KLHL29: variants seen among roughly 807,000 people sequenced by gnomAD.
The protein encoded by KLHL29 is kelch-like protein 29.
KLHL29 carries 21 observed loss-of-function variants against 80.4 expected under a neutral mutation model. That is an observed-to-expected ratio of 0.26 (90% CI 0.19 to 0.38). The LOEUF (loss-of-function observed/expected upper bound fraction) is 0.38. Among genes scored for constraint, KLHL29 ranks in the 10% least tolerant of loss-of-function variants. The pLI is 1.00. For synonymous variants in KLHL29, 511 were observed against 526.8 expected, an observed-to-expected ratio of 0.97 and a Z score of 0.41; for missense variants, 867 against 1,223.9, an observed-to-expected ratio of 0.71 and a Z score of 4.35.
chr2:23,448,749 C>A (rs1297904415), intron 1 of KLHL29, among the ~76,000 whole-genome samples: 1 of 152,236 alleles, frequency 6.6e-6, no homozygotes, highest in Admixed American at 6.5e-5. Context: ...CACCTGCAAT[C>A]TGCTTTTCAG....
chr2:23,402,041 A>G (rs1666609689), intron 1 of KLHL29, among the ~76,000 whole-genome samples: 2 of 152,142 alleles, frequency 1.3e-5, no homozygotes, highest in Non-Finnish European at 2.9e-5. Flanking sequence ...TGCACTTTCA[A>G]CAGTCGAGGG....
chr2:23,465,574 G>GC (rs1353564044), intron 1 of KLHL29, among the ~76,000 whole-genome samples: 1 of 152,166 alleles, frequency 6.6e-6, no homozygotes, highest in Non-Finnish European at 1.5e-5. Context: ...GCTGGCCCCA[G>GC]CAGTGACCCC....
At chr2:23,552,453 G>T (rs1667154116) in intron 2 of KLHL29, among the ~76,000 whole-genome samples, 1 of 152,190 alleles carries the variant, frequency 6.6e-6, no homozygotes, top group South Asian at 2.1e-4. Flanking sequence ...GTGAGGACTT[G>T]CTGCTGCTGT....
intron 2 of KLHL29, among the ~76,000 whole-genome samples, chr2:23,480,951 C>T (rs1242784387): frequency 1.3e-5 from 2 of 152,176 alleles, no homozygotes; most frequent in Non-Finnish European, 2.9e-5. Context: ...CTGATTCCAC[C>T]ACAGACATAT....
intron 2 of KLHL29, among the ~76,000 whole-genome samples, chr2:23,550,557 G>A (rs1667098601): frequency 2.0e-5 from 3 of 152,166 alleles, no homozygotes; most frequent in African/African-American, 4.8e-5. Context: ...CTAGTTACTC[G>A]GTGAAATAAA....
chr2:23,430,445 T>C (rs1169544027), intron 1 of KLHL29, among the ~76,000 whole-genome samples: 3 of 152,320 alleles, frequency 2.0e-5, no homozygotes, highest in Middle Eastern at 3.4e-3. Flanking sequence ...CTAAAAGGAA[T>C]CTATTGCTTG....
intron 1 of KLHL29, among the ~76,000 whole-genome samples, chr2:23,397,507 C>T (rs1168740031): frequency 6.6e-6 from 1 of 152,234 alleles, no homozygotes; most frequent in Non-Finnish European, 1.5e-5. Context: ...GTATACCTTC[C>T]CGAATGCCTG....
intron 3 of KLHL29, among the ~76,000 whole-genome samples, chr2:23,594,681 G>T (rs535329125): frequency 6.6e-6 from 1 of 152,214 alleles, no homozygotes; most frequent in Non-Finnish European, 1.5e-5. Context: ...AGCATTAGAT[G>T]GAATTAAAGT....
chr2:23,489,482 GAGCTTGTCCCC>G (rs1268263591), intron 2 of KLHL29, among the ~76,000 whole-genome samples: 1 of 152,132 alleles, frequency 6.6e-6, no homozygotes, highest in Non-Finnish European at 1.5e-5. Context: ...AAATGGAGAA[GAGCTTGTCCCC>G]AGCTGCCTCC....
intron 1 of KLHL29, among the ~76,000 whole-genome samples, chr2:23,418,376 A>G (rs1662665706): frequency 6.6e-6 from 1 of 152,058 alleles, no homozygotes; most frequent in Non-Finnish European, 1.5e-5. Flanking sequence ...GTCTGGGGGC[A>G]GATCCTTCCT....
chr2:23,642,445 C>G lies in KLHL29; in HGVS notation c.535C>G (p.Gln179Glu). The G allele has an allele frequency of 1.3e-6, 2 of 1,504,114 alleles. No individual in the cohort carries two copies. Among genetic ancestry groups the G allele is most frequent in the Non-Finnish European group, 8.9e-7 (1 of 1,120,834 alleles). The allele number at this position is 1,504,114 out of a possible 1,614,324, so 93.2% of individuals were successfully genotyped here. Reference protein sequence around the residue: ...PPTFSPAVNVQAPVIGVTPSL... With the variant: ...PPTFSPAVNVEAPVIGVTPSL... Reference sequence around the variant, plus strand: ...CACCTTCAGCCCGGCTGTGAACGTCCAGGCCCCGGTCATTGGGGTGACCCC... The same window carrying G: ...CACCTTCAGCCCGGCTGTGAACGTCGAGGCCCCGGTCATTGGGGTGACCCC... The change falls in exon 5 of 14, where the codon CAG becomes GAG. Residue 179 changes from glutamine to glutamate, a missense_variant. Transcript: ENST00000486442.
At chr2:23,392,518 A>G (rs921190049) in intron 1 of KLHL29, among the ~76,000 whole-genome samples, 22 of 152,242 alleles carry the variant, frequency 1.4e-4, no homozygotes, top group African/African-American at 5.3e-4. Context: ...TAATAATAAT[A>G]GCTTCCAGTT....
Position 23,689,859 on chromosome 2 carries a change from G to A in KLHL29, c.1080-1815G>A, listed in dbSNP as rs374925016. The A allele has an allele frequency of 4.2e-4, 64 of 152,286 alleles. 1 individual carries two copies. Among genetic ancestry groups the A allele is most frequent in the African/African-American group, 1.2e-3 (49 of 41,470 alleles). The allele number at this position is 152,286 out of a possible 1,614,324, so 9.4% of individuals were successfully genotyped here. On this transcript the variant is annotated intron_variant, in intron 6 of 13. Transcript: ENST00000486442. The stretch of plus-strand genomic sequence containing the variant: ...TATTTTTACGCTTAACAAAGCCACC[G>A]AGGTATGGAAATCCATCCTGACAGC...
At chr2:23,550,641 C>T (rs565882780) in intron 2 of KLHL29, among the ~76,000 whole-genome samples, 14 of 152,318 alleles carry the variant, frequency 9.2e-5, no homozygotes, top group South Asian at 2.1e-4. Flanking sequence ...ATGTGACAGC[C>T]GTTCCCTAAT....
chr2:23,537,721 C>T lies in KLHL29; in HGVS notation c.-45-24431C>T, dbSNP rs1666715939. 3.3e-5 allele frequency among the ~76,000 whole-genome samples: 5 copies of T among 152,130 alleles called. No homozygotes were observed. In the South Asian group the frequency reaches 1.0e-3, roughly 32 times the overall value. On this transcript the variant is annotated intron_variant, in intron 2 of 13. Transcript: ENST00000486442. ...ATGTGGGGCATCTGGAGCTTGGCCACCTGCAAGAAGCTGCATGTCGGGTGG... is the reference window on the plus strand; with the variant it reads ...ATGTGGGGCATCTGGAGCTTGGCCATCTGCAAGAAGCTGCATGTCGGGTGG...
chr2:23,451,262 T>C (rs1663871782), intron 1 of KLHL29, among the ~76,000 whole-genome samples: 1 of 152,200 alleles, frequency 6.6e-6, no homozygotes, highest in South Asian at 2.1e-4. Flanking sequence ...TAGAACTCCC[T>C]GGGTAAATCC....
At chr2:23,551,669 C>A (rs962419228) in intron 2 of KLHL29, among the ~76,000 whole-genome samples, 5 of 152,236 alleles carry the variant, frequency 3.3e-5, no homozygotes, top group African/African-American at 1.2e-4. Flanking sequence ...TCTAGGGAGT[C>A]AGAATGCCTG....
intron 3 of KLHL29, among the ~76,000 whole-genome samples, chr2:23,580,039 A>G (rs1463317260): frequency 1.3e-5 from 2 of 152,198 alleles, no homozygotes; most frequent in African/African-American, 4.8e-5. Context: ...TAAAATGGAG[A>G]TAACAACAGT....
At chr2:23,619,609 C>T (rs190126541) in intron 3 of KLHL29, among the ~76,000 whole-genome samples, 121 of 148,510 alleles carry the variant, frequency 8.1e-4, no homozygotes, top group African/African-American at 2.9e-3. Context: ...GTGCAGAACA[C>T]AGGGGAGAAG....
Sources: allele counts gnomAD v4.1 joint callset (sites outside exome capture counted in the v4.1 genomes callset), GRCh38; gene constraint gnomAD v4.1.1; transcripts MANE v1.5; gene names NCBI Gene and HGNC (gene_info 2026-07-23, HGNC 2026-07-21).